The following IQSEC3 variants were observed in gnomAD, a reference collection of about 807,000 sequenced individuals.
IQSEC3 encodes IQ motif and Sec7 domain ArfGEF 3.
IQSEC3 carries 50 observed loss-of-function variants against 105.4 expected under a neutral mutation model. That is an observed-to-expected ratio of 0.47 (90% CI 0.38 to 0.60). The LOEUF is 0.60. IQSEC3 is among the 20% of genes least tolerant of loss of function. The pLI is 0.00. For missense variants in IQSEC3, 1,415 were observed against 1,630.0 expected (o/e 0.87, Z 2.27); for synonymous variants, 708 against 746.0 (o/e 0.95, Z 0.83).
At chr12:141,655 C>A (rs1168368061) in intron 5 of IQSEC3, 2 of 230,094 alleles carry the variant, frequency 8.7e-6, no homozygotes, top group Non-Finnish European at 1.7e-5. Flanking sequence ...GCCCCTCAGC[C>A]CCCCTCCCCC....
At chr12:117,385 G>A (rs1865081501) in intron 2 of IQSEC3, among the ~76,000 whole-genome samples, 1 of 152,262 alleles carries the variant, frequency 6.6e-6, no homozygotes. Context: ...AATGCTCAAA[G>A]ACAGTAGGAT....
intron 5 of IQSEC3, chr12:144,162 G>T (rs564858857): frequency 6.6e-6 from 1 of 152,340 alleles, no homozygotes; most frequent in South Asian, 2.1e-4. Flanking sequence ...GAGGTGGAGA[G>T]GGCCCTGTCC....
intron 2 of IQSEC3, among the ~76,000 whole-genome samples, chr12:101,635 C>T (rs541788227): frequency 1.3e-5 from 2 of 152,150 alleles, no homozygotes; most frequent in Non-Finnish European, 2.9e-5. Flanking sequence ...GCTGCTGTCT[C>T]TAGTTCCCAG....
intron 6 of IQSEC3, 128 bp downstream of exon 6, chr12:157,275 G>A (rs1302851515): frequency 1.1e-5 from 15 of 1,319,998 alleles, no homozygotes; most frequent in South Asian, 3.2e-5. Flanking sequence ...CCCTTCTGGT[G>A]TGGGCAGGAG....
In IQSEC3 at chr12:177,204, C is replaced by T. The variant is rs1320804335; in HGVS notation, c.*2171C>T. On this transcript the variant is annotated 3_prime_UTR_variant, in exon 14 of 14. Coordinates refer to ENST00000538872, the MANE Select transcript of IQSEC3 (RefSeq NM_001170738.2). The surrounding 1 kb of genome is among the most constrained non-coding windows in gnomAD (Gnocchi z 5.3). ...GGCAGGACCCCGTCCCCTGCTCACA[C>T]AGCTCTTCAAGCTTACCAAGGACAG... 7.5e-6 allele frequency: 1 copy of T among 133,292 alleles called. No individual in the cohort carries two copies. Among genetic ancestry groups the T allele is most frequent in the African/African-American group, 3.1e-5 (1 of 32,278 alleles). The allele number at this position is 133,292 out of a possible 1,614,324, so 8.3% of individuals were successfully genotyped here.
chr12:138,669 C>A lies in IQSEC3; in HGVS notation c.1306C>A (p.Leu436Ile). 1.3e-6 allele frequency: 2 copies of A among 1,558,950 alleles called. No individual in the cohort carries two copies. Among genetic ancestry groups the A allele is most frequent in the Non-Finnish European group, 1.7e-6 (2 of 1,159,714 alleles). ...CSLRESGAYQ[L>I]HQALQAAAGP... ...CCTGCGGGAGAGTGGCGCTTACCAG[C>A]TCCACCAGGCCCTGCAGGCGGCCGC... Residue 436 changes from leucine to isoleucine, a missense_variant, in exon 4 of 14, where the codon CTC becomes ATC. Physicochemically the swap from Leu to Ile is conservative, Grantham distance 5. Coordinates refer to ENST00000538872, the MANE Select transcript of IQSEC3 (RefSeq NM_001170738.2). This position sits in a 1 kb window ranked among gnomAD's most constrained non-coding sequence, Gnocchi z 7.1.
Position 97,613 on chromosome 12 carries a change from G to A in IQSEC3, c.555-1533G>A, listed in dbSNP as rs145222734. 4.7e-3 allele frequency among the ~76,000 whole-genome samples: 713 copies of A among 152,234 alleles called. 5 individuals carry two copies. Among genetic ancestry groups the A allele is most frequent in the African/African-American group, 0.016 (684 of 41,520 alleles). On this transcript the variant is annotated intron_variant, in intron 1 of 13. Transcript: ENST00000538872. Reference sequence around the variant, plus strand: ...GAGGATTGCCTGAGGCCAGGAGTTCGAGACCAGGCTGGGCAACATAGTGAG... The same window carrying A: ...GAGGATTGCCTGAGGCCAGGAGTTCAAGACCAGGCTGGGCAACATAGTGAG...
At position 96,896 on chromosome 12, in the gene IQSEC3, G is replaced by A. The variant is rs114576981; in HGVS notation, c.555-2250G>A. 3.1e-3 allele frequency among the ~76,000 whole-genome samples: 475 copies of A among 151,900 alleles called. 3 individuals are homozygous for A. The highest frequency in any genetic ancestry group is 0.011 in the African/African-American group (447 of 41,362). On this transcript the variant is annotated intron_variant, in intron 1 of 13. Transcript: ENST00000538872. ...ATCTTTCATTTACATTTCCATAAAC[G>A]CTTCATAATTCACATCTACACAGAT...
At chr12:151,274 C>T (rs547236625) in intron 5 of IQSEC3, among the ~76,000 whole-genome samples, 3 of 150,980 alleles carry the variant, frequency 2.0e-5, no homozygotes, top group East Asian at 2.0e-4. Context: ...TCTCCTCCAG[C>T]GTGTGTCTGC....
rs372521253 is a variant in IQSEC3 at position 138,882 on chromosome 12, G to C, written c.1519G>C (p.Val507Leu). ...CGTCTCCTCCTCCACGGCTCTGTCGGTGGCCAACTGCCTGGGCGCTCAGAC... is the reference window on the plus strand; with the variant it reads ...CGTCTCCTCCTCCACGGCTCTGTCGCTGGCCAACTGCCTGGGCGCTCAGAC... ...ISVSSSTALS[V>L]ANCLGAQTVQ... The change falls in exon 4 of 14, where the codon GTG becomes CTG. Residue 507 changes from valine to leucine, a missense_variant. By Grantham distance (32) the Val-to-Leu change is conservative. Coordinates refer to ENST00000538872, the MANE Select transcript of IQSEC3 (RefSeq NM_001170738.2). The surrounding 1 kb of genome is among the most constrained non-coding windows in gnomAD (Gnocchi z 7.1). 8 of 1,611,122 alleles carry C rather than the reference G, an allele frequency of 5.0e-6. No homozygotes were observed. The highest frequency in any genetic ancestry group is 6.8e-6 in the Non-Finnish European group (8 of 1,179,036).
chr12:160,117 G>GGTTT lies in IQSEC3; in HGVS notation c.2444-1796_2444-1793dup, dbSNP rs375896478. On this transcript the variant is annotated intron_variant, in intron 7 of 13. Transcript: ENST00000538872. ...CCATCTCGGTGAAGATGTTAATATT[G>GGTTT]GTTTGTTTGTTTGTTTTTCTCTCTG... 3.9e-3 allele frequency among the ~76,000 whole-genome samples: 579 copies of GGTTT among 150,134 alleles called. 2 individuals are homozygous for GGTTT. The highest frequency in any genetic ancestry group is 6.8e-3 in the Middle Eastern group (2 of 292).
intron 9 of IQSEC3, 72 bp from the exon 10 acceptor site, chr12:165,362 C>T (rs1011794258): frequency 2.1e-5 from 24 of 1,128,754 alleles, no homozygotes; most frequent in South Asian, 1.1e-4. Flanking sequence ...GTGCATCCCC[C>T]GGGTGTTTGT....
At chr12:73,672 CA>C (rs1201115388) in intron 1 of IQSEC3, among the ~76,000 whole-genome samples, 4 of 148,070 alleles carry the variant, frequency 2.7e-5, no homozygotes, top group Non-Finnish European at 4.4e-5. Flanking sequence ...TCCATGACCC[CA>C]AAAAAAAAGA....
At chr12:105,435 G>A (rs1470717206) in intron 2 of IQSEC3, among the ~76,000 whole-genome samples, 2 of 152,228 alleles carry the variant, frequency 1.3e-5, no homozygotes, top group Non-Finnish European at 2.9e-5. Context: ...GCTTGCTCCT[G>A]TGGATTGGGC....
At chr12:113,720 T>C (rs1280838707) in intron 2 of IQSEC3, among the ~76,000 whole-genome samples, 1 of 152,154 alleles carries the variant, frequency 6.6e-6, no homozygotes. Context: ...TGAGAAACTG[T>C]CCTGATGAAC....
chr12:129,754 G>C (rs1865528037), intron 3 of IQSEC3, among the ~76,000 whole-genome samples: 1 of 152,126 alleles, frequency 6.6e-6, no homozygotes, highest in African/African-American at 2.4e-5. Flanking sequence ...GTTGCAGTCA[G>C]TAGAATCTGG....
chr12:173,725 C>T (rs1022270746), intron 13 of IQSEC3, among the ~76,000 whole-genome samples: 3 of 152,144 alleles, frequency 2.0e-5, no homozygotes, highest in African/African-American at 7.2e-5. Context: ...GCGGGTGGAA[C>T]GGTGTGAGGA....
intron 5 of IQSEC3, chr12:141,902 C>T (rs1345378098): frequency 1.3e-5 from 2 of 152,364 alleles, no homozygotes; most frequent in Non-Finnish European, 2.9e-5. Context: ...TGCCCCCGCT[C>T]AGCCTTGATA....
At position 176,740 on chromosome 12, in the gene IQSEC3, G is replaced by A. The variant is rs1939248712; in HGVS notation, c.*1707G>A. 6.6e-6 allele frequency: 1 copy of A among 152,366 alleles called. No individual in the cohort carries two copies. The highest frequency in any genetic ancestry group is 2.1e-4 in the South Asian group (1 of 4,834). 9.4% of individuals were successfully genotyped at this position (152,366 alleles called of 1,614,324 possible). A position where few individuals can be genotyped will look rare whatever the true frequency, so the allele number is the denominator to read the frequency against. ...TTGCAGCCAATTTGCCCTCTCCCCT[G>A]TGGCTGCCAGCCCATCTGCCCCTCT... On this transcript the variant is annotated 3_prime_UTR_variant, in exon 14 of 14. Transcript: ENST00000538872. This position sits in a 1 kb window ranked among gnomAD's most constrained non-coding sequence, Gnocchi z 4.0.
Sources: allele counts gnomAD v4.1 joint callset (sites outside exome capture counted in the v4.1 genomes callset), GRCh38; gene constraint gnomAD v4.1.1; non-coding constraint Gnocchi (gnomAD v3.1); transcripts MANE v1.5; gene names NCBI Gene and HGNC (gene_info 2026-07-23, HGNC 2026-07-21).